SASS6: variants seen among roughly 807,000 people sequenced by gnomAD.
SASS6 encodes the protein SAS-6 centriolar assembly protein.
Under a neutral mutation model 94.9 loss-of-function variants are expected in SASS6, and 59 were observed. The ratio of observed to expected loss-of-function variants is 0.62; its 90% CI spans 0.50 to 0.77. The LOEUF is 0.77. Among genes scored for constraint, SASS6 ranks in the 30% least tolerant of loss-of-function variants. The probability of loss-of-function intolerance (pLI) is 0.00; values close to 1 mark genes in which losing one functional copy is unlikely to be tolerated. For synonymous variants in SASS6, 264 were observed against 270.0 expected (o/e 0.98, Z 0.22); for missense variants, 698 against 734.1 (o/e 0.95, Z 0.57).
In SASS6 at chr1:100,083,709, A is replaced by G. The variant is rs910717155; in HGVS notation, c.*1619T>C. ...CTAAAAGTTTAGGAGGTAAAGAATT[A>G]GCACACTTGGAAGTCTGTATACATT... On this transcript the variant is annotated 3_prime_UTR_variant, in exon 17 of 17. Transcript: ENST00000287482. 1 of 152,090 alleles carries G rather than the reference A, an allele frequency of 6.6e-6. No homozygotes were observed. Among genetic ancestry groups the G allele is most frequent in the Admixed American group, 6.5e-5 (1 of 15,276 alleles). 9.4% of individuals were successfully genotyped at this position (152,090 alleles called of 1,614,324 possible).
At chr1:100,125,981 C>T in intron 1 of SASS6, 39 bp from the exon 2 acceptor site, 1 of 1,059,538 alleles carries the variant, frequency 9.4e-7, no homozygotes, top group Non-Finnish European at 1.4e-6. Context: ...GAAACATTCA[C>T]ACGAAATGAG....
At chr1:100,091,028 G>A (rs774274352) in intron 14 of SASS6, among the ~76,000 whole-genome samples, 3 of 152,150 alleles carry the variant, frequency 2.0e-5, no homozygotes, top group Non-Finnish European at 2.9e-5. Context: ...CTGACAGCCA[G>A]GCATGGTGGC....
rs1653022719 is a variant in SASS6, at chr1:100,107,847, C to T, written c.1019G>A (p.Arg340Lys). 12 of 1,612,722 alleles carry T rather than the reference C, an allele frequency of 7.4e-6. No individual in the cohort carries two copies. Among genetic ancestry groups the T allele is most frequent in the Non-Finnish European group, 1.0e-5 (12 of 1,179,088 alleles). ...EIKDKDQLVLRTKEAFDTIQE... is the reference protein window; with the variant it reads ...EIKDKDQLVLKTKEAFDTIQE... ...GATTGTATCAAATGCCTCTTTTGTT[C>T]TTAAAACAAGCTGGTCCTTATCCTT... Residue 340 changes from arginine to lysine, a missense_variant, in exon 9 of 17, where the codon AGA (arginine) becomes AAA (lysine). Transcript: ENST00000287482.
intron 2 of SASS6, among the ~76,000 whole-genome samples, chr1:100,124,482 G>A (rs1287803654): frequency 6.6e-6 from 1 of 152,186 alleles, no homozygotes; most frequent in Non-Finnish European, 1.5e-5. Context: ...CCAGTCTCAA[G>A]TGATCCTTCC....
chr1:100,126,701 G>A (rs188875282), intron 1 of SASS6, among the ~76,000 whole-genome samples: 1 of 152,018 alleles, frequency 6.6e-6, no homozygotes, highest in African/African-American at 2.4e-5. Context: ...TGCGGAACCT[G>A]GTAGGCAGAG....
At position 100,103,018 on chromosome 1, in the gene SASS6, G is replaced by A; in HGVS notation, c.1611C>T (p.Phe537=). 6.2e-7 allele frequency: 1 copy of A among 1,608,212 alleles called. No homozygotes were observed. Among genetic ancestry groups the A allele is most frequent in the South Asian group, 1.1e-5 (1 of 90,950 alleles). The change falls in exon 14 of 17, where the codon TTC becomes TTT. Residue 537 remains phenylalanine, a synonymous_variant. Transcript: ENST00000287482. Reference sequence around the variant, plus strand: ...ATATCGAATGAGGGAAGGTATTCTGGAATGCAAATGCAGAGGAGACAGGAT... The same window carrying A: ...ATATCGAATGAGGGAAGGTATTCTGAAATGCAAATGCAGAGGAGACAGGAT... ...IGYPVSSAFA[F]QNTFPHSISA...
Position 100,084,910 on chromosome 1 carries a change from A to G in SASS6, c.*418T>C, listed in dbSNP as rs1651129222. 1 of 154,686 alleles carries G rather than the reference A, an allele frequency of 6.5e-6. No individual in the cohort carries two copies. The highest frequency in any genetic ancestry group is 1.4e-5 in the Non-Finnish European group (1 of 69,676). 9.6% of individuals were successfully genotyped at this position (154,686 alleles called of 1,614,324 possible). A position where few individuals can be genotyped will look rare whatever the true frequency, so the allele number is the denominator to read the frequency against. Reference sequence around the variant, plus strand: ...TCATGATTTTCAGGTGTTGAATTTAAAAGTTTTACCAATGAAAGTGATAAA... The same window carrying G: ...TCATGATTTTCAGGTGTTGAATTTAGAAGTTTTACCAATGAAAGTGATAAA... On this transcript the variant is annotated 3_prime_UTR_variant, in exon 17 of 17. Coordinates refer to ENST00000287482, the MANE Select transcript of SASS6 (RefSeq NM_194292.3).
chr1:100,127,227 T>C (rs756273920), intron 1 of SASS6, among the ~76,000 whole-genome samples: 2 of 152,244 alleles, frequency 1.3e-5, no homozygotes, highest in Non-Finnish European at 2.9e-5. Context: ...TTCTTTGATG[T>C]GCAGGTAGAA....
In SASS6 at chr1:100,110,376, C is replaced by T. The variant is rs1156571950; in HGVS notation, c.777G>A (p.Ala259=). 3 of 1,606,850 alleles carry T rather than the reference C, an allele frequency of 1.9e-6. No homozygotes were observed. The highest frequency in any genetic ancestry group is 1.1e-5 in the South Asian group (1 of 90,656). The change falls in exon 8 of 17, where the codon GCG becomes GCA. Residue 259 remains alanine, a synonymous_variant. Transcript: ENST00000287482. Reference sequence around the variant, plus strand: ...TTCTTTCGGTTAAGTCTTTATTAGCCGCTTCTAACTCAGACAGTCTGTTTT... The same window carrying T: ...TTCTTTCGGTTAAGTCTTTATTAGCTGCTTCTAACTCAGACAGTCTGTTTT... The part of the protein sequence containing the change: ...QLQNRLSELE[A]ANKDLTERKY...
At chr1:100,103,692 C>A (rs60075760) in intron 13 of SASS6, among the ~76,000 whole-genome samples, 1 of 152,038 alleles carries the variant, frequency 6.6e-6, no homozygotes, top group Non-Finnish European at 1.5e-5. Context: ...AATTTTAAGC[C>A]GGACAAAAAA....
At chr1:100,104,150 A>C (rs1014869216) in intron 13 of SASS6, among the ~76,000 whole-genome samples, 3 of 152,248 alleles carry the variant, frequency 2.0e-5, no homozygotes, top group Non-Finnish European at 4.4e-5. Flanking sequence ...TATTAAGGTC[A>C]AAGCTGTAAT....
intron 14 of SASS6, among the ~76,000 whole-genome samples, chr1:100,102,439 G>A (rs1323679250): frequency 6.6e-6 from 1 of 152,146 alleles, no homozygotes; most frequent in Non-Finnish European, 1.5e-5. Flanking sequence ...CACCTTGGGA[G>A]GCCAAGGCAG....
At chr1:100,122,557 T>TTC (rs1654280180) in intron 3 of SASS6, 73 bp from the exon 4 acceptor site, 1 of 588,976 alleles carries the variant, frequency 1.7e-6, no homozygotes, top group East Asian at 3.2e-5. Context: ...GCCTTTTTTT[T>TTC]TTTTTTTTTT....
At chr1:100,102,916 A>G (rs374375213) in intron 14 of SASS6, 39 bp downstream of exon 14, 27 of 1,533,914 alleles carry the variant, frequency 1.8e-5, no homozygotes, top group Non-Finnish European at 2.4e-5. Context: ...ATAGGTTGCT[A>G]TATTTTTTCC....
chr1:100,109,005 A>G (rs1274434627), intron 8 of SASS6, among the ~76,000 whole-genome samples: 3 of 151,440 alleles, frequency 2.0e-5, no homozygotes, highest in Non-Finnish European at 2.9e-5. Context: ...CCAAGAACTA[A>G]CAATTTGCAA....
rs1186747512 is a variant in SASS6, at chr1:100,121,537, C to A, written c.324G>T (p.Gln108His). The change falls in exon 5 of 17, where the codon CAG becomes CAT. Residue 108 changes from glutamine (Q) to histidine (H), a missense_variant. Transcript: ENST00000287482. Reference sequence around the variant, plus strand: ...CCAAAATAGCTGCTGGAGAAACTAACTGTAGCAAAAACCTTTGAAAAGAAA... The same window carrying A: ...CCAAAATAGCTGCTGGAGAAACTAAATGTAGCAAAAACCTTTGAAAAGAAA... Reference protein sequence around the residue: ...HAKEIPRFLLQLVSPAAILDN... With the variant: ...HAKEIPRFLLHLVSPAAILDN... The A allele has an allele frequency of 6.3e-7, 1 of 1,581,064 alleles. No homozygotes were observed. The highest frequency in any genetic ancestry group is 1.8e-5 in the Admixed American group (1 of 55,308).
rs138192876 is a variant in SASS6 at position 100,119,109 on chromosome 1, T to C, written c.578A>G (p.Asp193Gly). ...KTLAEKKQELDKLRNEWASHT... is the reference protein window; with the variant it reads ...KTLAEKKQELGKLRNEWASHT... ...TGACGCCCATTCATTCCGTAACTTATCTAATTCTTGTTTTTTTTCTGCTAA... is the reference window on the plus strand; with the variant it reads ...TGACGCCCATTCATTCCGTAACTTACCTAATTCTTGTTTTTTTTCTGCTAA... Residue 193 changes from aspartate (D) to glycine (G), a missense_variant, in exon 7 of 17, where the codon GAT (aspartate) becomes GGT (glycine). Asp to Gly is a moderately conservative substitution (Grantham distance 94). Transcript: ENST00000287482. The C allele has an allele frequency of 8.7e-5, 137 of 1,574,300 alleles. No homozygotes were observed. The highest frequency in any genetic ancestry group is 1.1e-4 in the Non-Finnish European group (128 of 1,152,202).
At chr1:100,096,353 A>C (rs1019400689) in intron 14 of SASS6, among the ~76,000 whole-genome samples, 2 of 152,236 alleles carry the variant, frequency 1.3e-5, no homozygotes, top group Admixed American at 6.5e-5. Context: ...AAATGAACTT[A>C]GATCCTTACT....
chr1:100,088,037 C>A, intron 15 of SASS6, 102 bp downstream of exon 15: 1 of 582,070 alleles, frequency 1.7e-6, no homozygotes, highest in East Asian at 2.7e-5. Flanking sequence ...TGAAATGTCT[C>A]AGGTAAACAG....
Sources: gnomAD v4.1 joint callset for allele counts (sites outside exome capture counted in the v4.1 genomes callset) on GRCh38, gnomAD v4.1.1 for gene constraint, MANE v1.5 for transcripts, NCBI Gene and HGNC (gene_info 2026-07-23, HGNC 2026-07-21) for gene names.